LRP1B: variants seen among roughly 807,000 people sequenced by gnomAD.
The protein encoded by LRP1B is LDL receptor related protein 1B.
LRP1B carries 217 observed loss-of-function variants against 556.6 expected under a neutral mutation model. The observed-to-expected ratio is 0.39, with a 90% CI of 0.35 to 0.44. LRP1B has a LOEUF of 0.44. LRP1B is among the 20% of genes least tolerant of loss of function. LRP1B has a pLI of 1.00. For missense variants in LRP1B, 5,053 were observed against 5,620.8 expected, an observed-to-expected ratio of 0.90 and a Z score of 3.23; for synonymous variants, 2,047 against 1,865.8, an observed-to-expected ratio of 1.10 and a Z score of -2.50.
At position 141,288,931 on chromosome 2, in the gene LRP1B, T is replaced by C. The variant is rs75584496; in HGVS notation, c.344-34290A>G. ...TAGAAAGTGCAGACATCACTTTCAA[T>C]ATCATGAAATCCAAACTACTTGTAC... On this transcript the variant is annotated intron_variant, in intron 3 of 90. Transcript: ENST00000389484. Among the ~76,000 whole-genome samples the C allele has an allele frequency of 3.3e-5, 5 of 152,316 alleles. No individual in the cohort carries two copies. The East Asian group carries it at 9.6e-4, about 29-fold the overall frequency.
At chr2:140,657,665 A>G (rs1684940512) in intron 41 of LRP1B, among the ~76,000 whole-genome samples, 1 of 146,138 alleles carries the variant, frequency 6.8e-6, no homozygotes, top group African/African-American at 2.5e-5. Context: ...ACATATATAT[A>G]CATACATATA....
chr2:140,406,977 G>A (rs192948131), intron 66 of LRP1B, among the ~76,000 whole-genome samples: 2 of 152,148 alleles, frequency 1.3e-5, no homozygotes, highest in Admixed American at 6.5e-5. Flanking sequence ...ACAGCATGGT[G>A]CTGGTATAAA....
intron 41 of LRP1B, among the ~76,000 whole-genome samples, chr2:140,696,601 TAGGAGCC>T (rs1430777996): frequency 6.6e-6 from 1 of 152,104 alleles, no homozygotes; most frequent in Admixed American, 6.6e-5. Context: ...CATGGCTTGT[TAGGAGCC>T]AGGAGGAATA....
chr2:141,685,084 C>A (rs1487484601), intron 2 of LRP1B, among the ~76,000 whole-genome samples: 1 of 151,996 alleles, frequency 6.6e-6, no homozygotes, highest in Non-Finnish European at 1.5e-5. Flanking sequence ...TGCTTGGGAC[C>A]AATAACTCCT....
rs1402475466 is a variant in LRP1B at position 140,475,264 on chromosome 2, C to A, written c.9499G>T (p.Val3167Phe). Residue 3167 changes from valine to phenylalanine, a missense_variant, in exon 60 of 91, where the codon GTT (valine) becomes TTT (phenylalanine). By Grantham distance (50) the Val-to-Phe change is conservative (BLOSUM62 -1). Transcript: ENST00000389484. ...RVGMDGTNQS[V>F]VIETKISRPM... ...CTAGAAATCTTGGTTTCTATGACAA[C>A]ACTCTGATTGGTTCCATCCATTCCA... The A allele has an allele frequency of 1.2e-6, 2 of 1,612,044 alleles. No homozygotes were observed. Among genetic ancestry groups the A allele is most frequent in the Admixed American group, 1.7e-5 (1 of 59,790 alleles).
At chr2:141,034,873 C>G (rs1256007653) in intron 11 of LRP1B, among the ~76,000 whole-genome samples, 1 of 150,412 alleles carries the variant, frequency 6.6e-6, no homozygotes, top group East Asian at 1.9e-4. Context: ...ACCCAAAGGA[C>G]TATGATTCAT....
At chr2:141,016,764 AGTGTAGGT>A (rs1403700763) in intron 12 of LRP1B, among the ~76,000 whole-genome samples, 1 of 152,080 alleles carries the variant, frequency 6.6e-6, no homozygotes, top group Non-Finnish European at 1.5e-5. Context: ...TATTAATTAA[AGTGTAGGT>A]TTAATCCAGT....
chr2:140,743,915 C>T (rs1478684098), intron 35 of LRP1B, among the ~76,000 whole-genome samples: 1 of 129,538 alleles, frequency 7.7e-6, no homozygotes, highest in Admixed American at 9.6e-5. Flanking sequence ...TGCAGTGAGC[C>T]GAGATCGCGC....
chr2:142,108,537 T>A (rs916138341), intron 1 of LRP1B, among the ~76,000 whole-genome samples: 4 of 152,170 alleles, frequency 2.6e-5, no homozygotes, highest in Admixed American at 2.0e-4. Flanking sequence ...ATTTTTAGAG[T>A]CTTTGCCTTT....
intron 1 of LRP1B, among the ~76,000 whole-genome samples, chr2:142,075,010 A>G (rs1481324552): frequency 6.6e-6 from 1 of 152,132 alleles, no homozygotes; most frequent in Non-Finnish European, 1.5e-5. Context: ...GGTAAATAAC[A>G]TAGCTCTTTC....
At chr2:140,272,614 A>G (rs1412845600) in intron 85 of LRP1B, among the ~76,000 whole-genome samples, 1 of 151,968 alleles carries the variant, frequency 6.6e-6, no homozygotes, top group Non-Finnish European at 1.5e-5. Flanking sequence ...AGTAAAAATG[A>G]TTAACTTTAT....
chr2:141,903,287 T>G (rs1288684574), intron 1 of LRP1B, among the ~76,000 whole-genome samples: 2 of 151,884 alleles, frequency 1.3e-5, no homozygotes, highest in Admixed American at 6.6e-5. Context: ...AAGAAGAAAC[T>G]GTTATAAGAA....
chr2:140,504,283 T>A (rs1689315165), intron 53 of LRP1B, among the ~76,000 whole-genome samples: 1 of 152,180 alleles, frequency 6.6e-6, no homozygotes, highest in South Asian at 2.1e-4. Flanking sequence ...AGCAACATTT[T>A]ATGTTTCTGA....
At chr2:141,714,447 C>CTTT (rs201676715) in intron 2 of LRP1B, among the ~76,000 whole-genome samples, 2 of 135,012 alleles carry the variant, frequency 1.5e-5, no homozygotes, top group Admixed American at 1.4e-4. Context: ...TCTCTGTAGG[C>CTTT]TCTTTTTTTT....
chr2:141,501,988 T>A (rs934981702), intron 2 of LRP1B, among the ~76,000 whole-genome samples: 9 of 152,080 alleles, frequency 5.9e-5, no homozygotes, highest in Admixed American at 5.9e-4. Flanking sequence ...CCTCATGATC[T>A]AACCTCAAAG....
chr2:141,211,303 T>TA (rs113276473), intron 6 of LRP1B, among the ~76,000 whole-genome samples: 2,424 of 137,878 alleles, frequency 0.018, 76 homozygotes, highest in African/African-American at 0.057. Flanking sequence ...TTCTTTTTTT[T>TA]TAAAAAAAAA....
chr2:141,249,813 C>A (rs140761623), intron 4 of LRP1B, among the ~76,000 whole-genome samples: 1 of 152,052 alleles, frequency 6.6e-6, no homozygotes, highest in African/African-American at 2.4e-5. Context: ...CATTATTGTA[C>A]TGATGTTGAT....
intron 84 of LRP1B, among the ~76,000 whole-genome samples, chr2:140,282,095 T>C (rs934457948): frequency 9.9e-5 from 15 of 151,830 alleles, no homozygotes; most frequent in Non-Finnish European, 2.9e-5. Flanking sequence ...GATTAAGTTC[T>C]CCAAGATATC....
intron 48 of LRP1B, 107 bp from the exon 49 acceptor site, chr2:140,526,100 G>A: frequency 7.4e-7 from 1 of 1,359,936 alleles, no homozygotes; most frequent in South Asian, 1.3e-5. Flanking sequence ...TGAGGAAATA[G>A]ATACGTAATT....
Sources: gnomAD v4.1 joint callset for allele counts (sites outside exome capture counted in the v4.1 genomes callset) on GRCh38, gnomAD v4.1.1 for gene constraint, MANE v1.5 for transcripts, NCBI Gene and HGNC (gene_info 2026-07-23, HGNC 2026-07-21) for gene names.